SPIRE1: variants seen among roughly 807,000 people sequenced by gnomAD.
SPIRE1 encodes protein spire homolog 1.
In SPIRE1, 40 loss-of-function variants were observed where a neutral mutation model predicts 94.1. The observed-to-expected ratio is 0.43, with a 90% CI of 0.33 to 0.55. The LOEUF is 0.55. SPIRE1 is among the 20% of genes least tolerant of loss of function. SPIRE1 has a pLI of 0.06. For missense variants in SPIRE1, 838 were observed against 975.2 expected, an observed-to-expected ratio of 0.86 and a Z score of 1.87; for synonymous variants, 376 against 371.7, an observed-to-expected ratio of 1.01 and a Z score of -0.13.
chr18:12,605,643 T>A (rs1447345897), intron 2 of SPIRE1, among the ~76,000 whole-genome samples: 2 of 152,162 alleles, frequency 1.3e-5, no homozygotes, highest in African/African-American at 4.8e-5. Flanking sequence ...TTTAAAAAAA[T>A]TACCACATGC....
At chr18:12,536,282 C>T (rs1283607953) in intron 3 of SPIRE1, among the ~76,000 whole-genome samples, 1 of 152,164 alleles carries the variant, frequency 6.6e-6, no homozygotes, top group Non-Finnish European at 1.5e-5. Flanking sequence ...ATGCCAGCTA[C>T]AATATCTGAC....
intron 12 of SPIRE1, among the ~76,000 whole-genome samples, chr18:12,462,399 A>T (rs1210588912): frequency 6.6e-6 from 1 of 152,256 alleles, no homozygotes; most frequent in Non-Finnish European, 1.5e-5. Context: ...GTAGAATATT[A>T]ATTACAGCTG....
At chr18:12,576,936 G>C (rs1423794635) in intron 2 of SPIRE1, among the ~76,000 whole-genome samples, 2 of 148,726 alleles carry the variant, frequency 1.3e-5, no homozygotes, top group African/African-American at 2.5e-5. Flanking sequence ...CATCAACACT[G>C]TTTAATACTG....
At chr18:12,519,094 G>A (rs2034284555) in intron 4 of SPIRE1, among the ~76,000 whole-genome samples, 1 of 152,096 alleles carries the variant, frequency 6.6e-6, no homozygotes, top group Admixed American at 6.6e-5. Flanking sequence ...AGGGGTGGAT[G>A]GTGGCCAAGT....
intron 3 of SPIRE1, among the ~76,000 whole-genome samples, chr18:12,542,223 C>T (rs147017025): frequency 2.0e-5 from 3 of 152,282 alleles, no homozygotes; most frequent in African/African-American, 7.2e-5. Context: ...GATCTGCCCA[C>T]CTCAGCCTCC....
chr18:12,497,511 C>G (rs980788016), intron 6 of SPIRE1, among the ~76,000 whole-genome samples: 1 of 152,130 alleles, frequency 6.6e-6, no homozygotes, highest in African/African-American at 2.4e-5. Context: ...TGTGGCAAGC[C>G]TGCTGGGGCC....
chr18:12,501,238 C>T (rs1474818176), intron 6 of SPIRE1, among the ~76,000 whole-genome samples: 4 of 151,908 alleles, frequency 2.6e-5, no homozygotes, highest in African/African-American at 9.7e-5. Context: ...GGTAAGTTCA[C>T]GGAGACAGAA....
intron 4 of SPIRE1, among the ~76,000 whole-genome samples, chr18:12,518,985 C>T (rs1232917312): frequency 6.6e-6 from 1 of 152,110 alleles, no homozygotes; most frequent in Non-Finnish European, 1.5e-5. Context: ...CTGGAAGTCT[C>T]CCATGCAGAG....
At chr18:12,485,847 G>A (rs2033018051) in intron 9 of SPIRE1, 112 bp downstream of exon 9, 1 of 779,136 alleles carries the variant, frequency 1.3e-6, no homozygotes, top group Non-Finnish European at 2.1e-6. Context: ...CGGCTTAGCA[G>A]AAGCCTTTCA....
intron 3 of SPIRE1, among the ~76,000 whole-genome samples, chr18:12,542,982 A>G (rs570574078): frequency 1.3e-5 from 2 of 152,212 alleles, no homozygotes; most frequent in Admixed American, 1.3e-4. Context: ...ATGCACCACC[A>G]TGCCCAGCTA....
intron 9 of SPIRE1, among the ~76,000 whole-genome samples, chr18:12,481,261 T>G (rs1378220100): frequency 1.3e-5 from 2 of 151,690 alleles, no homozygotes; most frequent in African/African-American, 2.4e-5. Context: ...AGACTGTGTC[T>G]CAAAAAAAAG....
intron 1 of SPIRE1, among the ~76,000 whole-genome samples, chr18:12,650,255 C>A (rs956258571): frequency 2.7e-5 from 4 of 150,850 alleles, no homozygotes; most frequent in African/African-American, 9.8e-5. Flanking sequence ...AATAAATAAA[C>A]AAATAAATAA....
At chr18:12,588,799 T>C (rs2036455541) in intron 2 of SPIRE1, among the ~76,000 whole-genome samples, 1 of 152,138 alleles carries the variant, frequency 6.6e-6, no homozygotes, top group African/African-American at 2.4e-5. Context: ...AACTTCAGGG[T>C]TCTTTTATTA....
intron 8 of SPIRE1, among the ~76,000 whole-genome samples, chr18:12,490,794 T>C (rs988225882): frequency 6.6e-6 from 1 of 152,008 alleles, no homozygotes; most frequent in Admixed American, 6.6e-5. Context: ...CTCAACATAA[T>C]AAAGGCCACA....
At chr18:12,615,905 A>G (rs1395356295) in intron 2 of SPIRE1, among the ~76,000 whole-genome samples, 1 of 152,232 alleles carries the variant, frequency 6.6e-6, no homozygotes, top group Non-Finnish European at 1.5e-5. Context: ...ATTCCTTCTC[A>G]TAAGAATCTC....
At chr18:12,555,305 CA>C (rs35809260) in intron 2 of SPIRE1, among the ~76,000 whole-genome samples, 20,081 of 119,334 alleles carry the variant, frequency 0.17, 2,092 homozygotes, top group African/African-American at 0.33. Context: ...AAAGACTTAT[CA>C]AAAAAAAAAA....
At chr18:12,655,661 T>TA (rs1253567913) in intron 1 of SPIRE1, among the ~76,000 whole-genome samples, 3 of 151,652 alleles carry the variant, frequency 2.0e-5, no homozygotes, top group Non-Finnish European at 2.9e-5. Context: ...ACTAGTGATG[T>TA]AAAAAATAAT....
rs181758119 is a variant in SPIRE1, at chr18:12,545,176, T to C, written c.603+1498A>G. Among the ~76,000 whole-genome samples the C allele has an allele frequency of 1.6e-4, 25 of 152,350 alleles. 1 individual carries two copies. The highest frequency in any genetic ancestry group is 1.4e-3 in the Admixed American group (22 of 15,302). ...AGTGTGTTTACATGTTTTTAAAAAA[T>C]AAACCTTAACATCTAGAAAACATAA... On this transcript the variant is annotated intron_variant, in intron 3 of 16. Coordinates refer to ENST00000409402, the MANE Select transcript of SPIRE1 (RefSeq NM_001128626.2).
chr18:12,606,362 A>G (rs542836446), intron 2 of SPIRE1, among the ~76,000 whole-genome samples: 81 of 31,996 alleles, frequency 2.5e-3, no homozygotes, highest in Admixed American at 5.7e-3. Flanking sequence ...AAGACAGAAG[A>G]AAAAAGAGAG....
Sources: allele counts gnomAD v4.1 joint callset (sites outside exome capture counted in the v4.1 genomes callset), GRCh38; gene constraint gnomAD v4.1.1; transcripts MANE v1.5; gene names NCBI Gene and HGNC (gene_info 2026-07-23, HGNC 2026-07-21).